Variants in PKHD1 observed in about 807,000 individuals in gnomAD.
The protein encoded by PKHD1 is fibrocystin.
A neutral mutation model predicts 412.0 loss-of-function variants in PKHD1; 291 were observed. The observed-to-expected ratio is 0.71, with a 90% CI of 0.64 to 0.78. The LOEUF is 0.78. Ranked by LOEUF, PKHD1 falls within the 30% of genes least tolerant of loss-of-function variation. The pLI is 0.00. For missense variants in PKHD1, 4,825 were observed against 4,950.7 expected (o/e 0.97, Z 0.76); for synonymous variants, 1,777 against 1,821.5 (o/e 0.98, Z 0.62).
At chr6:51,894,958 A>G (rs758534359) in intron 43 of PKHD1, among the ~76,000 whole-genome samples, 11 of 152,068 alleles carry the variant, frequency 7.2e-5, no homozygotes, top group Non-Finnish European at 1.6e-4. Flanking sequence ...AAATAACAAC[A>G]AAGAAAAATC....
chr6:51,695,440 G>T (rs1199990335), intron 60 of PKHD1, among the ~76,000 whole-genome samples: 3 of 152,118 alleles, frequency 2.0e-5, no homozygotes, highest in African/African-American at 4.8e-5. Flanking sequence ...AGAGGAGTAG[G>T]AGGAGAAGAG....
intron 60 of PKHD1, among the ~76,000 whole-genome samples, chr6:51,724,963 G>T (rs768448534): frequency 2.0e-5 from 3 of 152,156 alleles, no homozygotes; most frequent in Non-Finnish European, 4.4e-5. Flanking sequence ...ACCCCTAGCT[G>T]TGAGGTTATA....
rs574933404 is a variant in PKHD1 at position 52,031,060 on chromosome 6, G to A, written c.3364+1970C>T. On this transcript the variant is annotated intron_variant, in intron 29 of 66. Transcript: ENST00000371117. ...GCATTCAATATCTGGCAGAATGATG[G>A]CATTCACTTCAACAAAGATTTATTG... 3.3e-4 allele frequency among the ~76,000 whole-genome samples: 50 copies of A among 152,094 alleles called. 1 individual carries two copies. Among genetic ancestry groups the A allele is most frequent in the Non-Finnish European group, 8.8e-5 (6 of 68,022 alleles).
chr6:51,961,601 A>G (rs1792045610), intron 35 of PKHD1, among the ~76,000 whole-genome samples: 1 of 152,114 alleles, frequency 6.6e-6, no homozygotes, highest in African/African-American at 2.4e-5. Flanking sequence ...TTATAAGGCT[A>G]TATATATTAT....
At position 51,741,395 on chromosome 6, in the gene PKHD1, C is replaced by CT. The variant is rs370833781; in HGVS notation, c.10156+2989dup. ...ATAATTTTGGTATCAATGTTTTTCTCTTTTTTTTTTCCTTCTGAGAGTTTT... is the reference window on the plus strand; with the variant it reads ...ATAATTTTGGTATCAATGTTTTTCTCTTTTTTTTTTTCCTTCTGAGAGTTTT... On this transcript the variant is annotated intron_variant, in intron 60 of 66. Transcript: ENST00000371117. Among the ~76,000 whole-genome samples, 849 of 149,480 alleles carry CT rather than the reference C, an allele frequency of 5.7e-3. 9 individuals are homozygous for CT. The highest frequency in any genetic ancestry group is 0.019 in the African/African-American group (760 of 40,834).
chr6:52,042,776 A>T, intron 27 of PKHD1, 83 bp downstream of exon 27: 1 of 1,242,794 alleles, frequency 8.0e-7, no homozygotes, highest in Non-Finnish European at 1.2e-6. Context: ...TATGGAATTC[A>T]TTACACAGAA....
chr6:51,668,441 T>A (rs1774254128), intron 60 of PKHD1, among the ~76,000 whole-genome samples: 1 of 152,212 alleles, frequency 6.6e-6, no homozygotes, highest in South Asian at 2.1e-4. Context: ...TAAGGAGATT[T>A]TGGGCTAAGA....
chr6:51,637,265 T>A (rs144862513), intron 64 of PKHD1, among the ~76,000 whole-genome samples: 1 of 152,266 alleles, frequency 6.6e-6, no homozygotes, highest in African/African-American at 2.4e-5. Context: ...TTAAGACATA[T>A]CCATTCAAAA....
intron 7 of PKHD1, among the ~76,000 whole-genome samples, chr6:52,072,486 C>T (rs1320595068): frequency 1.3e-5 from 2 of 152,172 alleles, no homozygotes; most frequent in Non-Finnish European, 2.9e-5. Flanking sequence ...GCATTTATGC[C>T]TTTATTCCCC....
chr6:51,831,040 A>T, intron 51 of PKHD1, 51 bp from the exon 52 acceptor site: 1 of 1,408,816 alleles, frequency 7.1e-7, no homozygotes, highest in Non-Finnish European at 1.0e-6. Context: ...GATAACTTCC[A>T]AATTCTATCC....
At chr6:51,730,334 G>T (rs926615873) in intron 60 of PKHD1, among the ~76,000 whole-genome samples, 1 of 151,920 alleles carries the variant, frequency 6.6e-6, no homozygotes, top group Non-Finnish European at 1.5e-5. Context: ...GTAATTCCAT[G>T]GGGTTTTCCA....
chr6:51,820,430 G>T (rs6923760), intron 52 of PKHD1, among the ~76,000 whole-genome samples: 77,105 of 151,944 alleles, frequency 0.51, 19,992 homozygotes, highest in Middle Eastern at 0.63. Context: ...GCCCTTTTTG[G>T]AGAATTTCTG....
intron 42 of PKHD1, 50 bp downstream of exon 42, chr6:51,903,936 G>T: frequency 1.6e-6 from 2 of 1,286,298 alleles, no homozygotes; most frequent in Non-Finnish European, 2.2e-6. Context: ...TAAAATATAT[G>T]ACAATTTTAA....
intron 37 of PKHD1, among the ~76,000 whole-genome samples, chr6:51,929,091 G>A (rs1263652940): frequency 1.3e-5 from 2 of 152,174 alleles, no homozygotes; most frequent in African/African-American, 4.8e-5. Context: ...AGGGGCAAGA[G>A]GAGACAGCAT....
At chr6:51,922,423 C>G (rs1173851854) in intron 37 of PKHD1, among the ~76,000 whole-genome samples, 2 of 152,218 alleles carry the variant, frequency 1.3e-5, no homozygotes, top group Non-Finnish European at 2.9e-5. Context: ...TTGAGTCTGT[C>G]CATTCTCAGA....
intron 27 of PKHD1, among the ~76,000 whole-genome samples, chr6:52,039,770 C>A (rs1423839718): frequency 6.6e-6 from 1 of 152,098 alleles, no homozygotes; most frequent in Non-Finnish European, 1.5e-5. Flanking sequence ...CCCAAAAGAA[C>A]TGAAAGCATA....
intron 60 of PKHD1, among the ~76,000 whole-genome samples, chr6:51,714,767 G>A (rs553745714): frequency 1.3e-5 from 2 of 152,152 alleles, no homozygotes; most frequent in Admixed American, 1.3e-4. Context: ...ACTTCAGAAG[G>A]TGAATGTTTT....
intron 37 of PKHD1, among the ~76,000 whole-genome samples, chr6:51,931,405 C>T (rs1219671812): frequency 2.6e-5 from 4 of 152,128 alleles, no homozygotes; most frequent in Admixed American, 1.3e-4. Flanking sequence ...TCCTAAAGCC[C>T]CAGTGTCACC....
At chr6:52,066,223 A>G in intron 11 of PKHD1, 146 bp from the exon 12 acceptor site, 3 of 596,858 alleles carry the variant, frequency 5.0e-6, no homozygotes, top group East Asian at 2.8e-5. Flanking sequence ...TCTAGTAATA[A>G]CTATTTAAAA....
Sources: gnomAD v4.1 joint callset for allele counts (sites outside exome capture counted in the v4.1 genomes callset) on GRCh38, gnomAD v4.1.1 for gene constraint, MANE v1.5 for transcripts, NCBI Gene and HGNC (gene_info 2026-07-23, HGNC 2026-07-21) for gene names.